CTNNA3: variants seen among roughly 807,000 people sequenced by gnomAD.
CTNNA3 encodes the protein catenin alpha 3.
CTNNA3 carries 76 observed loss-of-function variants against 95.7 expected under a neutral mutation model. That is an observed-to-expected ratio of 0.79 (90% CI 0.66 to 0.96). The LOEUF is 0.96. Among genes scored for constraint, CTNNA3 ranks in the 40% least tolerant of loss-of-function variants. The pLI is 0.00. For missense variants in CTNNA3, 1,191 were observed against 1,089.8 expected (o/e 1.09, Z -1.31); for synonymous variants, 431 against 374.4 (o/e 1.15, Z -1.74).
intron 2 of CTNNA3, among the ~76,000 whole-genome samples, chr10:67,643,993 T>C (rs1015580666): frequency 2.0e-5 from 3 of 152,312 alleles, no homozygotes; most frequent in Admixed American, 6.5e-5. Context: ...CCCATAAACA[T>C]ACGTGTGCAT....
At chr10:67,328,160 G>C (rs1001045681) in intron 5 of CTNNA3, among the ~76,000 whole-genome samples, 1 of 152,198 alleles carries the variant, frequency 6.6e-6, no homozygotes. Context: ...AATGTGGGGA[G>C]TTGCCTTAGG....
chr10:66,685,149 A>G (rs1196095185), intron 9 of CTNNA3, among the ~76,000 whole-genome samples: 1 of 142,652 alleles, frequency 7.0e-6, no homozygotes, highest in Admixed American at 7.2e-5. Context: ...GAAGAACTAT[A>G]TATATATACA....
intron 3 of CTNNA3, among the ~76,000 whole-genome samples, chr10:67,571,529 T>A (rs1841975838): frequency 6.6e-6 from 1 of 152,202 alleles, no homozygotes; most frequent in African/African-American, 2.4e-5. Flanking sequence ...ATGGGTTCAT[T>A]ACTAGATAAC....
chr10:66,700,456 A>G (rs901513157), intron 9 of CTNNA3, among the ~76,000 whole-genome samples: 17 of 152,150 alleles, frequency 1.1e-4, no homozygotes, highest in African/African-American at 3.6e-4. Flanking sequence ...ACTTGGGTTT[A>G]TTTCTGGGCT....
intron 2 of CTNNA3, among the ~76,000 whole-genome samples, chr10:67,626,488 G>A (rs1838961188): frequency 6.6e-6 from 1 of 152,106 alleles, no homozygotes; most frequent in Non-Finnish European, 1.5e-5. Context: ...CTGAAGTTCA[G>A]ATAAATAAAG....
chr10:67,709,862 C>T (rs1337717384), intron 1 of CTNNA3, among the ~76,000 whole-genome samples: 1 of 152,166 alleles, frequency 6.6e-6, no homozygotes, highest in Non-Finnish European at 1.5e-5. Context: ...ACCACAAGAC[C>T]TATTGCAGTG....
At chr10:66,310,898 A>G (rs761655552) in intron 12 of CTNNA3, among the ~76,000 whole-genome samples, 25 of 152,060 alleles carry the variant, frequency 1.6e-4, no homozygotes, top group Non-Finnish European at 3.4e-4. Flanking sequence ...TTAGCCAGCC[A>G]GGATGGTCTC....
intron 10 of CTNNA3, among the ~76,000 whole-genome samples, chr10:66,541,192 G>T (rs1841839520): frequency 6.6e-6 from 1 of 152,026 alleles, no homozygotes; most frequent in African/African-American, 2.4e-5. Flanking sequence ...CATTGTATAG[G>T]TGTGGCTTCA....
intron 5 of CTNNA3, among the ~76,000 whole-genome samples, chr10:67,222,255 G>C (rs1314671552): frequency 6.6e-6 from 1 of 152,166 alleles, no homozygotes; most frequent in Non-Finnish European, 1.5e-5. Context: ...TCAACCCACT[G>C]TTCATAGTCA....
chr10:66,093,859 C>G (rs1343389224), intron 14 of CTNNA3, among the ~76,000 whole-genome samples: 1 of 151,998 alleles, frequency 6.6e-6, no homozygotes, highest in Non-Finnish European at 1.5e-5. Context: ...CAAAATAAAG[C>G]CTCTCCTTAT....
At chr10:66,297,636 A>G (rs1403160223) in intron 12 of CTNNA3, among the ~76,000 whole-genome samples, 3 of 152,144 alleles carry the variant, frequency 2.0e-5, no homozygotes, top group African/African-American at 7.2e-5. Context: ...TCCAGAAAAC[A>G]CTACACAGAT....
chr10:67,707,564 C>T (rs1486359750), intron 1 of CTNNA3, among the ~76,000 whole-genome samples: 1 of 152,134 alleles, frequency 6.6e-6, no homozygotes, highest in Non-Finnish European at 1.5e-5. Context: ...TGTTCCCAGT[C>T]ACTTATCACG....
At chr10:65,989,466 G>C (rs1418885482) in intron 15 of CTNNA3, among the ~76,000 whole-genome samples, 1 of 152,070 alleles carries the variant, frequency 6.6e-6, no homozygotes, top group Non-Finnish European at 1.5e-5. Flanking sequence ...TGATTTTAGA[G>C]AGAATCATAA....
intron 5 of CTNNA3, among the ~76,000 whole-genome samples, chr10:67,242,396 G>A (rs1440781008): frequency 6.6e-6 from 1 of 152,158 alleles, no homozygotes; most frequent in African/African-American, 2.4e-5. Flanking sequence ...GGAAAAAAGT[G>A]TTTTGCTTTT....
At chr10:66,300,715 G>A (rs1236294164) in intron 12 of CTNNA3, among the ~76,000 whole-genome samples, 1 of 151,236 alleles carries the variant, frequency 6.6e-6, no homozygotes, top group African/African-American at 2.4e-5. Flanking sequence ...TCAAGGTAAG[G>A]TATATATGAG....
chr10:66,545,552 G>A (rs1051862804), intron 10 of CTNNA3, among the ~76,000 whole-genome samples: 1 of 151,932 alleles, frequency 6.6e-6, no homozygotes, highest in African/African-American at 2.4e-5. Context: ...TATGTGTCTG[G>A]GAGTGGAATG....
At chr10:66,982,144 C>T (rs927451505) in intron 7 of CTNNA3, among the ~76,000 whole-genome samples, 2 of 152,178 alleles carry the variant, frequency 1.3e-5, no homozygotes, top group South Asian at 2.1e-4. Context: ...AAAATAAATA[C>T]ATTTGCATTC....
At chr10:66,645,392 T>C (rs1302299832) in intron 9 of CTNNA3, among the ~76,000 whole-genome samples, 2 of 152,188 alleles carry the variant, frequency 1.3e-5, no homozygotes, top group Admixed American at 1.3e-4. Flanking sequence ...TTGTGTACAG[T>C]GTGAGACTTC....
intron 14 of CTNNA3, among the ~76,000 whole-genome samples, chr10:66,085,879 G>A (rs2080964003): frequency 1.6e-5 from 1 of 62,810 alleles, no homozygotes; most frequent in African/African-American, 5.3e-5. Context: ...GTTAAAATAT[G>A]GCACAATCAC....
Sources: gnomAD v4.1 joint callset for allele counts (sites outside exome capture counted in the v4.1 genomes callset) on GRCh38, gnomAD v4.1.1 for gene constraint, MANE v1.5 for transcripts, NCBI Gene and HGNC (gene_info 2026-07-23, HGNC 2026-07-21) for gene names.